Variants in PCNX3 observed in about 807,000 individuals in gnomAD.
PCNX3 encodes pecanex 3.
A neutral mutation model predicts 207.2 loss-of-function variants in PCNX3; 58 were observed. The ratio of observed to expected loss-of-function variants is 0.28; its 90% CI spans 0.23 to 0.35. The LOEUF (loss-of-function observed/expected upper bound fraction) is 0.35, where lower values mean the gene tolerates loss of function less well. Ranked by LOEUF, PCNX3 falls within the 10% of genes least tolerant of loss-of-function variation. The pLI is 1.00. For synonymous variants in PCNX3, 1,337 were observed against 1,183.5 expected (o/e 1.13, Z -2.66); for missense variants, 2,410 against 2,774.4 (o/e 0.87, Z 2.95).
Position 65,636,185 on chromosome 11 carries a change from G to C in PCNX3, c.5471G>C (p.Gly1824Ala). The C allele has an allele frequency of 6.2e-7, 1 of 1,601,968 alleles. No individual in the cohort carries two copies. The highest frequency in any genetic ancestry group is 2.3e-5 in the East Asian group (1 of 44,228). Residue 1824 changes from glycine (G) to alanine (A), a missense_variant, in exon 33 of 35, where the codon GGC becomes GCC. Around this residue, in one of 8 missense-constraint regions of PCNX3, gnomAD observed 59 missense variants for 83.9 expected, o/e 0.70. Transcript: ENST00000355703. Reference sequence around the variant, plus strand: ...CTCTCCACCCCCAGGCTTCACAAGGGCTGTGGCGCCGGCTGCAATAGTGGC... The same window carrying C: ...CTCTCCACCCCCAGGCTTCACAAGGCCTGTGGCGCCGGCTGCAATAGTGGC... ...LLRTWERLHKGCGAGCNSGGN... is the reference protein window; with the variant it reads ...LLRTWERLHKACGAGCNSGGN...
In PCNX3 at chr11:65,624,272, C is replaced by T; in HGVS notation, c.2622C>T (p.Ala874=). The change falls in exon 14 of 35, where the codon GCC becomes GCT. Residue 874 remains alanine, a synonymous_variant. Coordinates refer to ENST00000355703, the MANE Select transcript of PCNX3 (RefSeq NM_032223.4). ...ICCLLIWLLD[A]LGSAQPFPPV... is the part of the protein sequence containing the mutation. ...GTCTGCTCATCTGGCTGCTGGACGC[C>T]CTGGGCTCAGCTCAGCCCTTCCCAC... 1.3e-6 allele frequency: 2 copies of T among 1,599,840 alleles called. No individual in the cohort carries two copies. The highest frequency in any genetic ancestry group is 1.1e-5 in the South Asian group (1 of 88,866).
intron 13 of PCNX3, 76 bp downstream of exon 13, chr11:65,624,037 G>T: frequency 6.3e-7 from 1 of 1,596,104 alleles, no homozygotes; most frequent in South Asian, 1.1e-5. Flanking sequence ...GGAGGGTAGG[G>T]TATGGAGGGC....
At chr11:65,623,777 C>T in intron 12 of PCNX3, 133 bp downstream of exon 12, 1 of 1,519,504 alleles carries the variant, frequency 6.6e-7, no homozygotes, top group South Asian at 1.2e-5. Flanking sequence ...CTGGCCAGCT[C>T]TTTTACAAGC....
At position 65,619,651 on chromosome 11, in the gene PCNX3, C is replaced by T. The variant is rs1854970909; in HGVS notation, c.1820C>T (p.Ser607Leu). The change falls in exon 7 of 35, where the codon TCG (serine) becomes TTG (leucine). Residue 607 changes from serine to leucine, a missense_variant. By Grantham distance (145) the Ser-to-Leu change is moderately radical. This residue lies in a region of PCNX3 where 1,104 missense variants were observed against 970.3 expected (regional missense o/e 1.14). Transcript: ENST00000355703. ...ACCCCTCCAGCCTCTGTCATGGGCT[C>T]GCCGCCCAGGTGAGCACCTTGCCAG... ...NPTPPASVMG[S>L]PPSSLQEAQR... 4 of 1,598,046 alleles carry T rather than the reference C, an allele frequency of 2.5e-6. No homozygotes were observed. The highest frequency in any genetic ancestry group is 2.2e-5 in the East Asian group (1 of 44,654).
chr11:65,629,060 G>A lies in PCNX3; in HGVS notation c.3941+112G>A, dbSNP rs1855515956. ...CCCACAGCAGGTATGGGAGGGCTTG[G>A]TCACAGTGGGGACACATGAGGCGGC... On this transcript the variant is annotated intron_variant, in intron 24 of 34. Coordinates refer to ENST00000355703, the MANE Select transcript of PCNX3 (RefSeq NM_032223.4). 5 of 1,453,830 alleles carry A rather than the reference G, an allele frequency of 3.4e-6. No homozygotes were observed. The African/African-American group carries it at 7.0e-5, about 20-fold the overall frequency. The allele number at this position is 1,453,830 out of a possible 1,614,324, so 90.1% of individuals were successfully genotyped here.
At position 65,636,889 on chromosome 11, in the gene PCNX3, A is replaced by T. The variant is rs1344738024; in HGVS notation, c.6016A>T (p.Thr2006Ser). The T allele has an allele frequency of 6.4e-7, 1 of 1,553,654 alleles. No individual in the cohort carries two copies. The highest frequency in any genetic ancestry group is 1.4e-5 in the African/African-American group (1 of 73,130). Reference protein sequence around the residue: ...CLDSSAPESGTPMGALGDWPA... With the variant: ...CLDSSAPESGSPMGALGDWPA... ...GGACAGCAGTGCCCCTGAGAGTGGC[A>T]CACCTATGGGTGCCCTGGGCGACTG... The change falls in exon 35 of 35, where the codon ACA becomes TCA. Residue 2006 changes from threonine to serine, a missense_variant. Physicochemically the swap from Thr to Ser is moderately conservative, Grantham distance 58 (BLOSUM62 1). Transcript: ENST00000355703.
chr11:65,623,460 C>A (rs202122273), intron 11 of PCNX3, 31 bp from the exon 12 acceptor site: 1 of 1,553,330 alleles, frequency 6.4e-7, no homozygotes, highest in Admixed American at 1.9e-5. Flanking sequence ...TGAGGCAAGA[C>A]GGGCACGCCC....
In PCNX3 at chr11:65,635,747, G is replaced by C; in HGVS notation, c.5403G>C (p.Trp1801Cys). 6.2e-7 allele frequency: 1 copy of C among 1,603,654 alleles called. No homozygotes were observed. The highest frequency in any genetic ancestry group is 8.5e-7 in the Non-Finnish European group (1 of 1,175,814). The change falls in exon 32 of 35, where the codon TGG becomes TGC. Residue 1801 changes from tryptophan (W) to cysteine (C), a missense_variant. Coordinates refer to ENST00000355703, the MANE Select transcript of PCNX3 (RefSeq NM_032223.4). This position sits in a 1 kb window ranked among gnomAD's most constrained non-coding sequence, Gnocchi z 9.9. ...GCCACCCCCAGCTACGGGCACTGTGGGGTGGCCCCATCAGCCTGGGTGCCA... is the reference window on the plus strand; with the variant it reads ...GCCACCCCCAGCTACGGGCACTGTGCGGTGGCCCCATCAGCCTGGGTGCCA... ...AGSHPQLRAL[W>C]GGPISLGAIA...
At position 65,616,278 on chromosome 11, in the gene PCNX3, C is replaced by G. The variant is rs756868615; in HGVS notation, c.-34C>G. 3.3e-6 allele frequency: 5 copies of G among 1,522,222 alleles called. No individual in the cohort carries two copies. Among genetic ancestry groups the G allele is most frequent in the South Asian group, 1.2e-5 (1 of 80,622 alleles). 94.3% of individuals were successfully genotyped at this position (1,522,222 alleles called of 1,614,324 possible). On this transcript the variant is annotated 5_prime_UTR_variant, in exon 1 of 35. Coordinates refer to ENST00000355703, the MANE Select transcript of PCNX3 (RefSeq NM_032223.4). ...CCGGGGGCCGCCCCCATGAGGGTCC[C>G]GGGAGGGGGGGCGCGGGCAGCAGCG...
chr11:65,626,242 TC>T, intron 20 of PCNX3, 188 bp downstream of exon 20: 1 of 833,986 alleles, frequency 1.2e-6, no homozygotes. Flanking sequence ...ACTCTTCTCC[TC>T]GTGCCCTGCT....
In PCNX3 at chr11:65,625,471, G is replaced by A. The variant is rs992542101; in HGVS notation, c.3096G>A (p.Glu1032=). ...GCAGCTTGGAGACAGCCCGGGCCGAGCCCCCGGACCCCTTGCCGGACAAGA... is the reference window on the plus strand; with the variant it reads ...GCAGCTTGGAGACAGCCCGGGCCGAACCCCCGGACCCCTTGCCGGACAAGA... ...EERSLETARA[E]PPDPLPDKMR... is the part of the protein sequence containing the mutation. The change falls in exon 18 of 35, where the codon GAG becomes GAA. Residue 1032 remains glutamate, a synonymous_variant. Coordinates refer to ENST00000355703, the MANE Select transcript of PCNX3 (RefSeq NM_032223.4). The surrounding 1 kb of genome is among the most constrained non-coding windows in gnomAD (Gnocchi z 5.6). 32 of 1,501,800 alleles carry A rather than the reference G, an allele frequency of 2.1e-5. No homozygotes were observed. The highest frequency in any genetic ancestry group is 1.8e-4 in the Middle Eastern group (1 of 5,554). The allele number at this position is 1,501,800 out of a possible 1,614,324, so 93.0% of individuals were successfully genotyped here. A position where few individuals can be genotyped will look rare whatever the true frequency, so the allele number is the denominator to read the frequency against.
rs1854898567 is a variant in PCNX3 at position 65,618,726 on chromosome 11, C to T, written c.1364C>T (p.Pro455Leu). Reference protein sequence around the residue: ...DSSSSTSCYSPESSRGAAGGP... With the variant: ...DSSSSTSCYSLESSRGAAGGP... ...TCCTCTTCTACTTCCTGCTACTCCC[C>T]TGAGAGCTCCCGGGGTGCAGCAGGG... Residue 455 changes from proline (P) to leucine (L), a missense_variant, in exon 6 of 35, where the codon CCT becomes CTT. Physicochemically the swap from Pro to Leu is moderately conservative, Grantham distance 98. Around this residue, in one of 8 missense-constraint regions of PCNX3, gnomAD observed 1,104 missense variants for 970.3 expected, o/e 1.14. Transcript: ENST00000355703. The T allele has an allele frequency of 1.2e-6, 2 of 1,612,576 alleles. No individual in the cohort carries two copies. The highest frequency in any genetic ancestry group is 8.5e-7 in the Non-Finnish European group (1 of 1,179,458).
Position 65,637,130 on chromosome 11 carries a change from C to A in PCNX3, c.*152C>A. 1.2e-6 allele frequency: 1 copy of A among 822,508 alleles called. No individual in the cohort carries two copies. The highest frequency in any genetic ancestry group is 1.9e-6 in the Non-Finnish European group (1 of 530,168). The allele number at this position is 822,508 out of a possible 1,614,324, so 51.0% of individuals were successfully genotyped here. A position where few individuals can be genotyped will look rare whatever the true frequency, so the allele number is the denominator to read the frequency against. On this transcript the variant is annotated 3_prime_UTR_variant, in exon 35 of 35. Coordinates refer to ENST00000355703, the MANE Select transcript of PCNX3 (RefSeq NM_032223.4). ...GGCCAGAGTACCAAAACTGAGTGAC[C>A]CAGACCTCTGACCTTGACCCCTGAT...
rs773286636 is a variant in PCNX3, at chr11:65,618,144, G to A, written c.782G>A (p.Arg261Gln). Residue 261 changes from arginine to glutamine, a missense_variant, in exon 6 of 35, where the codon CGG becomes CAG. By Grantham distance (43) the Arg-to-Gln change is conservative (BLOSUM62 1). Coordinates refer to ENST00000355703, the MANE Select transcript of PCNX3 (RefSeq NM_032223.4). The stretch of plus-strand genomic sequence containing the variant: ...TTCCTGACCCTGACCCAGCCTGACC[G>A]GGCCCTGGTGAGGACCAGCAGTCGA... ...KSFLTLTQPD[R>Q]ALVRTSSRRE... is the part of the protein sequence containing the mutation. 25 of 1,609,588 alleles carry A rather than the reference G, an allele frequency of 1.6e-5. No individual in the cohort carries two copies. In the African/African-American group the frequency reaches 2.3e-4, roughly 15 times the overall value.
At chr11:65,633,673 G>A (rs186930807) in intron 27 of PCNX3, among the ~76,000 whole-genome samples, 55 of 152,354 alleles carry the variant, frequency 3.6e-4, no homozygotes, top group African/African-American at 1.3e-3. Flanking sequence ...CCACACCATA[G>A]TGTCGGGGCC....
At chr11:65,627,768 G>T (rs1281077287) in intron 22 of PCNX3, among the ~76,000 whole-genome samples, 186 bp downstream of exon 22, 1 of 152,142 alleles carries the variant, frequency 6.6e-6, no homozygotes, top group African/African-American at 2.4e-5. Flanking sequence ...GCAGGCTGAA[G>T]GAGGTTGAGG....
At chr11:65,617,229 G>A (rs1161067799) in intron 2 of PCNX3, 21 bp from the exon 3 acceptor site, 1 of 1,583,178 alleles carries the variant, frequency 6.3e-7, no homozygotes, top group South Asian at 1.1e-5. Context: ...GCTCAAAGCT[G>A]CTGCTCTTTT....
At chr11:65,628,477 T>C in intron 22 of PCNX3, 118 bp from the exon 23 acceptor site, 2 of 918,090 alleles carry the variant, frequency 2.2e-6, no homozygotes, top group Non-Finnish European at 3.4e-6. Flanking sequence ...GACCTTGAGT[T>C]TGGCCCCCGT....
At position 65,636,955 on chromosome 11, in the gene PCNX3, C is replaced by G; in HGVS notation, c.6082C>G (p.Pro2028Ala). 1.3e-6 allele frequency: 2 copies of G among 1,569,668 alleles called. No individual in the cohort carries two copies. The highest frequency in any genetic ancestry group is 1.7e-6 in the Non-Finnish European group (2 of 1,158,780). The change falls in exon 35 of 35, where the codon CCC (proline) becomes GCC (alanine). Residue 2028 changes from proline (P) to alanine (A), a missense_variant. By Grantham distance (27) the Pro-to-Ala change is conservative. Transcript: ENST00000355703. ...GGAGCGTGAGAGCCCGGCAGCCCAG[C>G]CCCTGCTGGAACACCAGTACTGAGC... ...IEERESPAAQ[P>A]LLEHQY is the part of the protein sequence containing the mutation.
Sources: gnomAD v4.1 joint callset for allele counts (sites outside exome capture counted in the v4.1 genomes callset) on GRCh38, gnomAD v4.1.1 for gene constraint, gnomAD v4.1.1 regional missense constraint, Gnocchi (gnomAD v3.1) non-coding constraint, MANE v1.5 for transcripts, NCBI Gene and HGNC (gene_info 2026-07-23, HGNC 2026-07-21) for gene names.